The following LRMDA variants were observed in gnomAD, a reference collection of about 807,000 sequenced individuals.
The protein encoded by LRMDA is leucine-rich melanocyte differentiation-associated protein.
LRMDA carries 18 observed loss-of-function variants against 29.8 expected under a neutral mutation model. The ratio of observed to expected loss-of-function variants is 0.60; its 90% CI spans 0.42 to 0.90. The LOEUF (loss-of-function observed/expected upper bound fraction) is 0.90, where lower values mean the gene tolerates loss of function less well. Among genes scored for constraint, LRMDA ranks in the 40% least tolerant of loss-of-function variants. The pLI is 0.00. For synonymous variants in LRMDA, 125 were observed against 109.4 expected, an observed-to-expected ratio of 1.14 and a Z score of -0.89; for missense variants, 273 against 273.9, an observed-to-expected ratio of 1.00 and a Z score of 0.02.
At chr10:75,757,060 C>T (rs1057327860) in intron 2 of LRMDA, among the ~76,000 whole-genome samples, 5 of 152,172 alleles carry the variant, frequency 3.3e-5, no homozygotes, top group African/African-American at 9.7e-5. Flanking sequence ...TTCTGTCTTC[C>T]TGGGGCCCAG....
chr10:75,525,765 A>C (rs1845406991), intron 2 of LRMDA, among the ~76,000 whole-genome samples: 1 of 151,092 alleles, frequency 6.6e-6, no homozygotes, highest in Non-Finnish European at 1.5e-5. Flanking sequence ...CAAACTCCTC[A>C]AATCATCTTC....
intron 5 of LRMDA, among the ~76,000 whole-genome samples, chr10:76,201,076 T>TATTC (rs1186832880): frequency 8.4e-6 from 1 of 118,378 alleles, no homozygotes; most frequent in Non-Finnish European, 1.6e-5. Context: ...TATTTTTATT[T>TATTC]ATTTATTTAT....
chr10:76,182,220 A>G (rs762320289), intron 5 of LRMDA, among the ~76,000 whole-genome samples: 1 of 152,172 alleles, frequency 6.6e-6, no homozygotes, highest in African/African-American at 2.4e-5. Context: ...CATATCTTAC[A>G]TGGTGGCAGG....
At chr10:75,967,487 G>A (rs1242275231) in intron 2 of LRMDA, among the ~76,000 whole-genome samples, 1 of 152,100 alleles carries the variant, frequency 6.6e-6, no homozygotes. Flanking sequence ...TAATCGCAAA[G>A]AACTTACTTA....
Position 76,276,117 on chromosome 10 carries a change from C to T in LRMDA, c.517-48284C>T, listed in dbSNP as rs1488855381. Among the ~76,000 whole-genome samples the T allele has an allele frequency of 4.0e-5, 6 of 150,576 alleles. No individual in the cohort carries two copies. In the East Asian group the frequency reaches 1.2e-3, roughly 29 times the overall value. On this transcript the variant is annotated intron_variant, in intron 5 of 6. Coordinates refer to ENST00000611255, the MANE Select transcript of LRMDA (RefSeq NM_001305581.2). ...TCTTTTGTTAATTCTTTTGTTCATT[C>T]TGTCTTTCTTTCGTTCTGTATTTCT...
chr10:75,786,508 A>C (rs890344059), intron 2 of LRMDA, among the ~76,000 whole-genome samples: 1 of 152,062 alleles, frequency 6.6e-6, no homozygotes, highest in African/African-American at 2.4e-5. Flanking sequence ...TTCATTGGAA[A>C]TATGTTGGTT....
intron 2 of LRMDA, among the ~76,000 whole-genome samples, chr10:75,758,483 A>G (rs138661815): frequency 4.6e-5 from 7 of 152,150 alleles, no homozygotes; most frequent in South Asian, 2.1e-4. Flanking sequence ...CAGTCCCCTC[A>G]CTGTATTATC....
In LRMDA at chr10:75,924,504, G is replaced by T. The variant is rs905720663; in HGVS notation, c.132-111504G>T. 4.6e-5 allele frequency among the ~76,000 whole-genome samples: 7 copies of T among 152,204 alleles called. No individual in the cohort carries two copies. In the East Asian group the frequency reaches 1.3e-3, roughly 29 times the overall value. On this transcript the variant is annotated intron_variant, in intron 2 of 6. Coordinates refer to ENST00000611255, the MANE Select transcript of LRMDA (RefSeq NM_001305581.2). ...GTTGGAAAGTCGGGATGCGTGCTGA[G>T]GGGGAGAGAACAGGATATACAGAGA...
intron 6 of LRMDA, among the ~76,000 whole-genome samples, chr10:76,391,191 A>G (rs1257348792): frequency 2.6e-5 from 4 of 152,314 alleles, no homozygotes; most frequent in Middle Eastern, 3.4e-3. Context: ...CCAGGAATCC[A>G]GGAAGGAGTC....
intron 5 of LRMDA, among the ~76,000 whole-genome samples, chr10:76,272,415 G>C (rs1286940120): frequency 6.6e-6 from 1 of 152,152 alleles, no homozygotes; most frequent in East Asian, 1.9e-4. Flanking sequence ...GGTCTGTGAG[G>C]AGAAACAGTG....
At chr10:76,240,814 A>ATGTG (rs376881462) in intron 5 of LRMDA, among the ~76,000 whole-genome samples, 22 of 28,966 alleles carry the variant, frequency 7.6e-4, no homozygotes, top group South Asian at 5.5e-3. Context: ...ACACATATAT[A>ATGTG]TGTATATATA....
At chr10:75,722,127 TC>T (rs1466300661) in intron 2 of LRMDA, among the ~76,000 whole-genome samples, 2 of 152,148 alleles carry the variant, frequency 1.3e-5, no homozygotes, top group Non-Finnish European at 2.9e-5. Flanking sequence ...TTTGAACTCC[TC>T]GTAACAAATG....
intron 2 of LRMDA, chr10:75,450,551 G>A (rs1001874583): frequency 6.6e-6 from 1 of 152,230 alleles, no homozygotes; most frequent in Admixed American, 6.5e-5. Context: ...GAGAGGCGGT[G>A]TTAACCCCCA....
At chr10:76,528,045 G>A (rs563328088) in intron 6 of LRMDA, among the ~76,000 whole-genome samples, 2 of 152,050 alleles carry the variant, frequency 1.3e-5, no homozygotes, top group African/African-American at 4.8e-5. Context: ...TATTAAACTA[G>A]CAAAGATGTT....
chr10:76,515,883 A>G (rs1340060585), intron 6 of LRMDA, among the ~76,000 whole-genome samples: 1 of 152,200 alleles, frequency 6.6e-6, no homozygotes, highest in Non-Finnish European at 1.5e-5. Context: ...AATAGGAGCT[A>G]TCACCAAACA....
At chr10:76,368,155 G>C (rs968607226) in intron 6 of LRMDA, among the ~76,000 whole-genome samples, 1 of 152,030 alleles carries the variant, frequency 6.6e-6, no homozygotes, top group Non-Finnish European at 1.5e-5. Context: ...GATTTGGTTT[G>C]TTCTTGTTTC....
chr10:76,285,591 T>A (rs1406910987), intron 5 of LRMDA, among the ~76,000 whole-genome samples: 1 of 152,196 alleles, frequency 6.6e-6, no homozygotes, highest in Admixed American at 6.5e-5. Context: ...TTTCTACCTA[T>A]GTATTATTCC....
chr10:75,692,392 T>TATATACACACAC (rs1387852655), intron 2 of LRMDA, among the ~76,000 whole-genome samples: 1 of 148,824 alleles, frequency 6.7e-6, no homozygotes, highest in Non-Finnish European at 1.5e-5. Context: ...TGCCTACATA[T>TATATACACACAC]ATATACACAC....
At chr10:75,895,273 G>T (rs1453179365) in intron 2 of LRMDA, among the ~76,000 whole-genome samples, 3 of 151,416 alleles carry the variant, frequency 2.0e-5, no homozygotes, top group Non-Finnish European at 4.4e-5. Context: ...CAAGTGGAGG[G>T]TACCTAGAAA....
Sources: gnomAD v4.1 joint callset for allele counts (sites outside exome capture counted in the v4.1 genomes callset) on GRCh38, gnomAD v4.1.1 for gene constraint, MANE v1.5 for transcripts, NCBI Gene and HGNC (gene_info 2026-07-23, HGNC 2026-07-21) for gene names.